Variants in CDYL2 observed in about 807,000 individuals in gnomAD.
The protein encoded by CDYL2 is chromodomain Y like 2.
A neutral mutation model predicts 49.4 loss-of-function variants in CDYL2; 23 were observed. The observed-to-expected ratio is 0.47, with a 90% CI of 0.34 to 0.66. CDYL2 has a LOEUF of 0.66. Ranked by LOEUF, CDYL2 falls within the 30% of genes least tolerant of loss-of-function variation. CDYL2 has a pLI of 0.01. For synonymous variants in CDYL2, 360 were observed against 268.8 expected (o/e 1.34, Z -3.32); for missense variants, 678 against 656.4 (o/e 1.03, Z -0.36).
At chr16:80,789,506 A>T (rs574518338) in intron 1 of CDYL2, among the ~76,000 whole-genome samples, 2 of 152,244 alleles carry the variant, frequency 1.3e-5, no homozygotes, top group East Asian at 3.9e-4. Context: ...AGGCTGAGGC[A>T]GAAGAATCAT....
intron 2 of CDYL2, among the ~76,000 whole-genome samples, chr16:80,674,233 G>C (rs983036018): frequency 6.6e-6 from 1 of 152,160 alleles, no homozygotes; most frequent in Non-Finnish European, 1.5e-5. Flanking sequence ...CACCTTCTGT[G>C]ACACTTGGAC....
chr16:80,657,377 T>C (rs916391468), intron 2 of CDYL2, among the ~76,000 whole-genome samples: 1 of 152,134 alleles, frequency 6.6e-6, no homozygotes, highest in Non-Finnish European at 1.5e-5. Context: ...CAGTTGTGTA[T>C]CACAGATAAA....
chr16:80,668,595 T>A (rs1439909257), intron 2 of CDYL2, among the ~76,000 whole-genome samples: 1 of 151,884 alleles, frequency 6.6e-6, no homozygotes, highest in Non-Finnish European at 1.5e-5. Context: ...CTAAATAGGA[T>A]TTGGGAAGGG....
upstream of CDYL2, among the ~76,000 whole-genome samples, chr16:80,804,864 G>T (rs192609100): frequency 6.6e-6 from 1 of 150,978 alleles, no homozygotes; most frequent in African/African-American, 2.4e-5. Context: ...CAGGGAAGGG[G>T]CCCCAGCCGA....
At chr16:80,740,176 C>T (rs542103816) in intron 1 of CDYL2, among the ~76,000 whole-genome samples, 1 of 152,310 alleles carries the variant, frequency 6.6e-6, no homozygotes, top group South Asian at 2.1e-4. Flanking sequence ...GCTAACCTTG[C>T]TCTGTGGAAT....
At chr16:80,729,350 A>T (rs1905257469) in intron 1 of CDYL2, among the ~76,000 whole-genome samples, 1 of 152,088 alleles carries the variant, frequency 6.6e-6, no homozygotes, top group African/African-American at 2.4e-5. Flanking sequence ...AAAAGAGACA[A>T]AGAAGGCCAT....
chr16:80,712,191 G>GTATATATATATGTATATATATA (rs1904637230), intron 1 of CDYL2, among the ~76,000 whole-genome samples: 1 of 107,934 alleles, frequency 9.3e-6, no homozygotes, highest in East Asian at 2.5e-4. Context: ...GTCTGTGTGT[G>GTATATATATATGTATATATATA]TATATATATA....
At chr16:80,618,586 C>A (rs1906936631) in intron 4 of CDYL2, among the ~76,000 whole-genome samples, 1 of 152,184 alleles carries the variant, frequency 6.6e-6, no homozygotes, top group Non-Finnish European at 1.5e-5. Context: ...CCCTGGGTAC[C>A]CTGTTTCTGT....
At position 80,631,239 on chromosome 16, in the gene CDYL2, T is replaced by C. The variant is rs139932866; in HGVS notation, c.834+1780A>G. ...TAACAATCCTACATCAGAAGGGAGG[T>C]GACGAAATGACATGAGATAAACAGC... On this transcript the variant is annotated intron_variant, in intron 3 of 6. Coordinates refer to ENST00000570137, the MANE Select transcript of CDYL2 (RefSeq NM_152342.4). 4.7e-3 allele frequency among the ~76,000 whole-genome samples: 711 copies of C among 152,148 alleles called. 7 individuals carry two copies. Among genetic ancestry groups the C allele is most frequent in the African/African-American group, 0.016 (674 of 41,506 alleles).
intron 3 of CDYL2, among the ~76,000 whole-genome samples, chr16:80,622,362 G>C (rs933812313): frequency 1.3e-5 from 2 of 151,980 alleles, no homozygotes; most frequent in African/African-American, 4.8e-5. Flanking sequence ...GGTTGCCCAG[G>C]CTCCTTGATT....
At chr16:80,707,328 G>T (rs1458612734) in intron 1 of CDYL2, among the ~76,000 whole-genome samples, 1 of 151,940 alleles carries the variant, frequency 6.6e-6, no homozygotes, top group Non-Finnish European at 1.5e-5. Context: ...CTCATCCTGG[G>T]GCTGGCGTGT....
chr16:80,690,960 G>C (rs1910391667), intron 1 of CDYL2, among the ~76,000 whole-genome samples: 1 of 152,120 alleles, frequency 6.6e-6, no homozygotes, highest in Admixed American at 6.5e-5. Context: ...AGATTTTGCA[G>C]ACTGCTGAAG....
intron 2 of CDYL2, among the ~76,000 whole-genome samples, chr16:80,648,543 G>A (rs1007985121): frequency 6.6e-6 from 1 of 151,990 alleles, no homozygotes; most frequent in Non-Finnish European, 1.5e-5. Flanking sequence ...GGGACCCAAT[G>A]TCTTCACTGT....
In CDYL2 at chr16:80,625,603, C is replaced by T. The variant is rs192973640; in HGVS notation, c.835-4668G>A. Among the ~76,000 whole-genome samples the T allele has an allele frequency of 1.6e-4, 25 of 152,246 alleles. 1 individual carries two copies. The highest frequency in any genetic ancestry group is 8.5e-4 in the Admixed American group (13 of 15,290). On this transcript the variant is annotated intron_variant, in intron 3 of 6. Coordinates refer to ENST00000570137, the MANE Select transcript of CDYL2 (RefSeq NM_152342.4). ...AGACTTGAATACTAAAATTTAAGAA[C>T]TACAACAAAAAGCTAAGCAATAGAA... is the stretch of plus-strand genomic sequence containing the variant.
chr16:80,732,558 G>GC (rs754946070), intron 1 of CDYL2, among the ~76,000 whole-genome samples: 18 of 152,208 alleles, frequency 1.2e-4, no homozygotes, highest in Non-Finnish European at 2.4e-4. Context: ...ATGTCTGGGA[G>GC]ATGTCTGAAG....
chr16:80,628,843 A>G (rs1056240450), intron 3 of CDYL2, among the ~76,000 whole-genome samples: 2 of 151,822 alleles, frequency 1.3e-5, no homozygotes, highest in African/African-American at 4.8e-5. Flanking sequence ...CTAATGGAGG[A>G]GGGGGGGGAT....
chr16:80,615,274 G>C (rs896081455), intron 4 of CDYL2, among the ~76,000 whole-genome samples: 1 of 152,130 alleles, frequency 6.6e-6, no homozygotes, highest in Non-Finnish European at 1.5e-5. Context: ...TTTTGCAAGT[G>C]CTTTTCACTG....
chr16:80,774,635 A>C (rs577337526), intron 1 of CDYL2, among the ~76,000 whole-genome samples: 2 of 152,310 alleles, frequency 1.3e-5, no homozygotes, highest in East Asian at 3.9e-4. Flanking sequence ...ATGTATATAG[A>C]GATCAAGACA....
chr16:80,634,416 T>G (rs1356679130), intron 2 of CDYL2, among the ~76,000 whole-genome samples: 1 of 152,200 alleles, frequency 6.6e-6, no homozygotes, highest in Non-Finnish European at 1.5e-5. Flanking sequence ...AAACACCGCA[T>G]GTTCTCACAC....
Sources: gnomAD v4.1 joint callset for allele counts (sites outside exome capture counted in the v4.1 genomes callset) on GRCh38, gnomAD v4.1.1 for gene constraint, MANE v1.5 for transcripts, NCBI Gene and HGNC (gene_info 2026-07-23, HGNC 2026-07-21) for gene names.